Variants in CAMK1D observed in about 807,000 individuals in gnomAD.
CAMK1D encodes calcium/calmodulin-dependent protein kinase type 1D.
A neutral mutation model predicts 47.7 loss-of-function variants in CAMK1D; 9 were observed. The ratio of observed to expected loss-of-function variants is 0.19; its 90% confidence interval spans 0.11 to 0.33. The LOEUF (loss-of-function observed/expected upper bound fraction) is 0.33. CAMK1D is among the 10% of genes least tolerant of loss of function. CAMK1D has a pLI of 1.00. For missense variants in CAMK1D, 291 were observed against 488.7 expected, an observed-to-expected ratio of 0.60 and a Z score of 3.81; for synonymous variants, 184 against 184.9, an observed-to-expected ratio of 0.99 and a Z score of 0.04.
intron 3 of CAMK1D, among the ~76,000 whole-genome samples, chr10:12,720,280 C>T (rs372900940): frequency 2.4e-4 from 36 of 152,272 alleles, no homozygotes; most frequent in African/African-American, 8.7e-4. Flanking sequence ...GAATTCCTAG[C>T]GAAGAGTCAC....
rs570267769 is a variant in CAMK1D at position 12,420,037 on chromosome 10, G to C, written c.92+70127G>C. On this transcript the variant is annotated intron_variant, in intron 1 of 10. Coordinates refer to ENST00000619168, the MANE Select transcript of CAMK1D (RefSeq NM_153498.4). ...CACAGTGTCGAGCTCTCGGCTCACTGCAAGCTCCGCCTCCCGGGTTCACGC... is the reference window on the plus strand; with the variant it reads ...CACAGTGTCGAGCTCTCGGCTCACTCCAAGCTCCGCCTCCCGGGTTCACGC... 2.6e-5 allele frequency among the ~76,000 whole-genome samples: 4 copies of C among 151,678 alleles called. 1 individual carries two copies. Among genetic ancestry groups the C allele is most frequent in the African/African-American group, 9.7e-5 (4 of 41,286 alleles).
intron 1 of CAMK1D, among the ~76,000 whole-genome samples, chr10:12,374,759 T>C (rs973225816): frequency 1.3e-5 from 2 of 151,992 alleles, no homozygotes; most frequent in Non-Finnish European, 2.9e-5. Flanking sequence ...CTGGCCAACA[T>C]GGCGAAACCT....
chr10:12,369,862 A>G (rs1837955209), intron 1 of CAMK1D, among the ~76,000 whole-genome samples: 1 of 151,718 alleles, frequency 6.6e-6, no homozygotes, highest in South Asian at 2.1e-4. Context: ...AGGCTGAGGC[A>G]GGGGAATTGC....
chr10:12,581,012 AGTGTGCAGT>A (rs899835898), intron 2 of CAMK1D, among the ~76,000 whole-genome samples: 22 of 152,206 alleles, frequency 1.4e-4, no homozygotes, highest in African/African-American at 4.8e-4. Flanking sequence ...CACTGTACCC[AGTGTGCAGT>A]GTTTTATCCC....
At chr10:12,448,083 A>G (rs1367731210) in intron 1 of CAMK1D, among the ~76,000 whole-genome samples, 1 of 150,260 alleles carries the variant, frequency 6.7e-6, no homozygotes, top group Non-Finnish European at 1.5e-5. Flanking sequence ...CGAACTCCTG[A>G]CCTTAAGTGA....
chr10:12,480,956 C>CCTTG (rs1834047284), intron 1 of CAMK1D, among the ~76,000 whole-genome samples: 1 of 152,172 alleles, frequency 6.6e-6, no homozygotes, highest in Non-Finnish European at 1.5e-5. Context: ...CTCCAACAGC[C>CCTTG]CTTGGTCATT....
chr10:12,379,957 G>T (rs1838293301), intron 1 of CAMK1D, among the ~76,000 whole-genome samples: 1 of 152,158 alleles, frequency 6.6e-6, no homozygotes, highest in Non-Finnish European at 1.5e-5. Context: ...GCTCACGCCT[G>T]TAATACCAGC....
At chr10:12,358,291 A>C (rs1837571927) in intron 1 of CAMK1D, among the ~76,000 whole-genome samples, 1 of 152,190 alleles carries the variant, frequency 6.6e-6, no homozygotes, top group East Asian at 1.9e-4. Context: ...TAATCATAGC[A>C]CTTTGGGAGG....
intron 1 of CAMK1D, among the ~76,000 whole-genome samples, chr10:12,495,438 G>A (rs889494300): frequency 6.6e-6 from 1 of 152,166 alleles, no homozygotes; most frequent in African/African-American, 2.4e-5. Flanking sequence ...TGCCTTTTCC[G>A]ATGATCTAAG....
At chr10:12,580,681 C>T (rs7076395) in intron 2 of CAMK1D, among the ~76,000 whole-genome samples, 5 of 151,956 alleles carry the variant, frequency 3.3e-5, no homozygotes, top group Admixed American at 6.6e-5. Flanking sequence ...TCATATGGAC[C>T]CCAGCCTAAG....
intron 7 of CAMK1D, 96 bp from the exon 8 acceptor site, chr10:12,816,154 A>G: frequency 3.3e-6 from 3 of 906,100 alleles, no homozygotes; most frequent in Middle Eastern, 2.2e-4. Flanking sequence ...CATATTTTTC[A>G]TGCTACACAC....
intron 1 of CAMK1D, among the ~76,000 whole-genome samples, chr10:12,524,784 T>G (rs1056549489): frequency 1.3e-5 from 2 of 152,244 alleles, no homozygotes; most frequent in African/African-American, 4.8e-5. Flanking sequence ...ACAAATCATT[T>G]GTCATATTTA....
intron 1 of CAMK1D, among the ~76,000 whole-genome samples, chr10:12,508,783 C>A (rs1406934976): frequency 6.6e-6 from 1 of 152,204 alleles, no homozygotes; most frequent in Non-Finnish European, 1.5e-5. Flanking sequence ...AGGGAGAGGG[C>A]TTGGGGGACC....
At chr10:12,370,918 A>G (rs1243954341) in intron 1 of CAMK1D, among the ~76,000 whole-genome samples, 2 of 152,068 alleles carry the variant, frequency 1.3e-5, no homozygotes, top group Non-Finnish European at 2.9e-5. Context: ...TTGTGTTTTA[A>G]TTTTTAACAA....
chr10:12,576,200 A>G (rs1033155563), intron 2 of CAMK1D, among the ~76,000 whole-genome samples: 1 of 152,230 alleles, frequency 6.6e-6, no homozygotes, highest in African/African-American at 2.4e-5. Flanking sequence ...TTAAATTTAC[A>G]TAAGATATGA....
At chr10:12,647,174 G>A (rs1468612788) in intron 2 of CAMK1D, among the ~76,000 whole-genome samples, 3 of 106,240 alleles carry the variant, frequency 2.8e-5, no homozygotes, top group South Asian at 6.8e-4. Context: ...TTTTGAAATG[G>A]AGTCTCACTC....
At chr10:12,695,145 A>G (rs952430083) in intron 3 of CAMK1D, among the ~76,000 whole-genome samples, 1 of 152,130 alleles carries the variant, frequency 6.6e-6, no homozygotes, top group African/African-American at 2.4e-5. Flanking sequence ...GGAGAACCCT[A>G]ATATAGGAGC....
intron 1 of CAMK1D, among the ~76,000 whole-genome samples, chr10:12,450,168 AGAAG>A (rs200504000): frequency 5.9e-5 from 9 of 152,138 alleles, no homozygotes; most frequent in Admixed American, 2.0e-4. Context: ...AAAAAGGGAA[AGAAG>A]GAAGGAAGGA....
At chr10:12,652,559 G>T (rs1308482613) in intron 2 of CAMK1D, among the ~76,000 whole-genome samples, 2 of 151,914 alleles carry the variant, frequency 1.3e-5, no homozygotes, top group Non-Finnish European at 2.9e-5. Flanking sequence ...CTGCACTCCA[G>T]CCTGGGCGAC....
Sources: gnomAD v4.1 joint callset for allele counts (sites outside exome capture counted in the v4.1 genomes callset) on GRCh38, gnomAD v4.1.1 for gene constraint, MANE v1.5 for transcripts, NCBI Gene and HGNC (gene_info 2026-07-23, HGNC 2026-07-21) for gene names.